RBFOX1: variants seen among roughly 807,000 people sequenced by gnomAD.
The protein encoded by RBFOX1 is RNA binding protein fox-1 homolog 1.
A neutral mutation model predicts 57.7 loss-of-function variants in RBFOX1; 8 were observed. The observed-to-expected ratio is 0.14, with a 90% confidence interval of 0.08 to 0.25. RBFOX1 has a LOEUF of 0.25. RBFOX1 is among the 10% of genes least tolerant of loss of function. The pLI is 1.00. For synonymous variants in RBFOX1, 326 were observed against 222.4 expected, an observed-to-expected ratio of 1.47 and a Z score of -4.15; for missense variants, 611 against 548.5, an observed-to-expected ratio of 1.11 and a Z score of -1.14.
intron 3 of RBFOX1, among the ~76,000 whole-genome samples, chr16:6,698,300 C>T (rs1247114742): frequency 1.3e-5 from 2 of 152,052 alleles, no homozygotes; most frequent in Admixed American, 6.6e-5. Context: ...ACATCTAAAC[C>T]AGTCCATTTT....
chr16:5,344,719 T>G (rs2065103603), intron 1 of RBFOX1, among the ~76,000 whole-genome samples: 1 of 152,156 alleles, frequency 6.6e-6, no homozygotes, highest in Admixed American at 6.5e-5. Flanking sequence ...CATCAATATT[T>G]GATACATTTT....
chr16:7,479,352 A>T (rs1727035782), intron 4 of RBFOX1, among the ~76,000 whole-genome samples: 1 of 151,914 alleles, frequency 6.6e-6, no homozygotes, highest in Admixed American at 6.6e-5. Context: ...GCTAGTCTTG[A>T]ACTCCTGGGC....
At chr16:6,297,507 C>T (rs117997991) in intron 1 of RBFOX1, among the ~76,000 whole-genome samples, 1,833 of 152,130 alleles carry the variant, frequency 0.012, 22 homozygotes, top group Non-Finnish European at 0.017. Context: ...GCCTCTGAAC[C>T]GAGTTTCCTG....
At chr16:7,638,411 A>C (rs1473169395) in intron 11 of RBFOX1, among the ~76,000 whole-genome samples, 1 of 51,560 alleles carries the variant, frequency 1.9e-5, no homozygotes, top group Non-Finnish European at 4.4e-5. Flanking sequence ...CTTCTTCACT[A>C]CTCTCTCAAC....
rs866887077 is a variant in RBFOX1 at position 6,145,550 on chromosome 16, C to G, written c.-127+125558C>G. 2.2e-4 allele frequency among the ~76,000 whole-genome samples: 34 copies of G among 152,016 alleles called. No homozygotes were observed. In the Middle Eastern group the frequency reaches 0.014, roughly 61 times the overall value. ...GATTTCTTTTTTGGGGAGTATATAC[C>G]CAGTAATGGGATTGCTGAAAATCCT... On this transcript the variant is annotated intron_variant, in intron 1 of 15. Transcript: ENST00000550418.
intron 2 of RBFOX1, among the ~76,000 whole-genome samples, chr16:5,566,144 A>G (rs1328761326): frequency 2.0e-5 from 3 of 152,060 alleles, no homozygotes; most frequent in African/African-American, 7.2e-5. Flanking sequence ...TTTATAATTT[A>G]CCCAGTCTCG....
rs933032459 is a variant in RBFOX1 at position 7,032,892 on chromosome 16, G to C, written c.-15-19165G>C. Among the ~76,000 whole-genome samples the C allele has an allele frequency of 2.0e-5, 3 of 152,172 alleles. No individual in the cohort carries two copies. In the East Asian group the frequency reaches 5.8e-4, roughly 29 times the overall value. ...CAGATTCTCAAATTTCTGCAGCTGA[G>C]AGCATGTCTCTCTTTTGGGAAGGAG... On this transcript the variant is annotated intron_variant, in intron 3 of 15. Transcript: ENST00000550418.
At chr16:5,742,636 G>T (rs995817519) in intron 3 of RBFOX1, among the ~76,000 whole-genome samples, 1 of 152,124 alleles carries the variant, frequency 6.6e-6, no homozygotes, top group Non-Finnish European at 1.5e-5. Context: ...AAAGCTTTAG[G>T]CAATTAATGC....
chr16:5,598,903 A>G lies in RBFOX1; in HGVS notation c.260A>G (p.Asp87Gly), dbSNP rs1299022103. Residue 87 changes from aspartate to glycine, a missense_variant and splice_region_variant, in exon 3 of 3, where the codon GAC (aspartate) becomes GGC (glycine). Physicochemically the swap from Asp to Gly is moderately conservative, Grantham distance 94. Coordinates refer to the RBFOX1 transcript ENST00000585867. ...CTCTATTTGTTTGTTTTTTGCCAGG[A>G]CTACAAGTCTGAAAATTCAACCCTC... 6.6e-6 allele frequency: 10 copies of G among 1,516,472 alleles called. No homozygotes were observed. In the East Asian group the frequency reaches 2.5e-4, roughly 37 times the overall value. The allele number at this position is 1,516,472 out of a possible 1,614,324, so 93.9% of individuals were successfully genotyped here.
At chr16:7,538,159 C>G (rs1014581731) in intron 5 of RBFOX1, among the ~76,000 whole-genome samples, 1 of 152,056 alleles carries the variant, frequency 6.6e-6, no homozygotes, top group Non-Finnish European at 1.5e-5. Flanking sequence ...TAGAGGAGAA[C>G]GAGGACCTGC....
At chr16:5,978,942 G>A (rs2060122411) in intron 4 of RBFOX1, among the ~76,000 whole-genome samples, 1 of 152,196 alleles carries the variant, frequency 6.6e-6, no homozygotes, top group African/African-American at 2.4e-5. Flanking sequence ...AAGTCACTGT[G>A]TTTCCCGTTC....
intron 1 of RBFOX1, among the ~76,000 whole-genome samples, chr16:6,115,522 G>T (rs73527933): frequency 0.17 from 26,121 of 152,092 alleles, 2,613 homozygotes; most frequent in East Asian, 0.39. Context: ...AGTGAGATCT[G>T]TACTTGTCTG....
At chr16:5,849,655 T>C in intron 3 of RBFOX1, among the ~76,000 whole-genome samples, 1 of 152,126 alleles carries the variant, frequency 6.6e-6, no homozygotes, top group Admixed American at 6.5e-5. Context: ...CGGAGGCTGC[T>C]CTCCTGTTGC....
At chr16:7,245,726 G>C (rs1006723243) in intron 4 of RBFOX1, among the ~76,000 whole-genome samples, 2 of 152,176 alleles carry the variant, frequency 1.3e-5, no homozygotes, top group Non-Finnish European at 2.9e-5. Flanking sequence ...CTTAGCATTA[G>C]AGAAAAGTAG....
At chr16:6,578,867 T>TGGACTTTGG (rs2097489041) in intron 2 of RBFOX1, among the ~76,000 whole-genome samples, 1 of 151,850 alleles carries the variant, frequency 6.6e-6, no homozygotes, top group Admixed American at 6.6e-5. Context: ...AATGATACAA[T>TGGACTTTGG]GGACTTTGGG....
chr16:5,885,710 T>C (rs936039078), intron 4 of RBFOX1, among the ~76,000 whole-genome samples: 1 of 152,202 alleles, frequency 6.6e-6, no homozygotes, highest in Non-Finnish European at 1.5e-5. Context: ...AAATACGTTC[T>C]GCTTTCTCAT....
intron 1 of RBFOX1, among the ~76,000 whole-genome samples, chr16:5,386,649 C>T (rs373359007): frequency 1.3e-5 from 2 of 152,248 alleles, no homozygotes; most frequent in African/African-American, 2.4e-5. Context: ...ATGCTCTTTT[C>T]ACCTTTACCC....
At chr16:7,142,129 G>C (rs1350560521) in intron 4 of RBFOX1, among the ~76,000 whole-genome samples, 1 of 151,906 alleles carries the variant, frequency 6.6e-6, no homozygotes, top group East Asian at 1.9e-4. Flanking sequence ...GCTAAAGGGA[G>C]CCTCACACCT....
At chr16:7,365,241 C>A (rs1361763230) in intron 4 of RBFOX1, among the ~76,000 whole-genome samples, 2 of 152,214 alleles carry the variant, frequency 1.3e-5, no homozygotes, top group South Asian at 4.2e-4. Flanking sequence ...ACCAGAGAAA[C>A]AGATGATACA....
Sources: allele counts gnomAD v4.1 joint callset (sites outside exome capture counted in the v4.1 genomes callset), GRCh38; gene constraint gnomAD v4.1.1; transcripts MANE v1.5; gene names NCBI Gene and HGNC (gene_info 2026-07-23, HGNC 2026-07-21).